The following DMD variants were observed in gnomAD, a reference collection of about 807,000 sequenced individuals.
The protein encoded by DMD is mutant dystrophin.
A neutral mutation model predicts 330.1 loss-of-function variants in DMD; 63 were observed. The ratio of observed to expected loss-of-function variants is 0.19; its 90% CI spans 0.16 to 0.24. DMD has a LOEUF of 0.24. DMD is among the 10% of genes least tolerant of loss of function. The pLI is 1.00. For synonymous variants in DMD, 1,223 were observed against 959.8 expected, an observed-to-expected ratio of 1.27 and a Z score of -5.07; for missense variants, 3,344 against 2,684.1, an observed-to-expected ratio of 1.25 and a Z score of -5.43.
At chrX:32,056,390 T>TAAAAAAAAAAAAAAA in intron 44 of DMD, among the ~76,000 whole-genome samples, 1 of 47,562 alleles carries the variant, frequency 2.1e-5, no homozygotes, top group Non-Finnish European at 4.2e-5. Context: ...GTAGATTAAG[T>TAAAAAAAAAAAAAAA]AAAAAAAAAA....
At chrX:32,758,895 T>C (rs1207485358) in intron 7 of DMD, among the ~76,000 whole-genome samples, 1 of 111,713 alleles carries the variant, frequency 9.0e-6, no homozygotes, top group Non-Finnish European at 1.9e-5. Flanking sequence ...AAAACAGACA[T>C]GTAAAATGAA....
At chrX:31,572,706 G>C (rs2075887281) in intron 55 of DMD, among the ~76,000 whole-genome samples, 1 of 111,963 alleles carries the variant, frequency 8.9e-6, no homozygotes, top group African/African-American at 3.2e-5. Flanking sequence ...ACCAGTGGCA[G>C]TTGGCTTGAT....
chrX:31,674,414 T>C (rs1447028745), intron 53 of DMD, among the ~76,000 whole-genome samples: 1 of 112,439 alleles, frequency 8.9e-6, no homozygotes, highest in African/African-American at 3.2e-5. Flanking sequence ...AACACAGAGA[T>C]TTTGCAGCCT....
intron 68 of DMD, among the ~76,000 whole-genome samples, chrX:31,182,314 T>C (rs762810013): frequency 8.9e-6 from 1 of 112,309 alleles, no homozygotes; most frequent in Non-Finnish European, 1.9e-5. Context: ...ACTATTATGG[T>C]TCCTCCCAGA....
At chrX:32,588,681 T>C (rs2054553644) in intron 13 of DMD, among the ~76,000 whole-genome samples, 1 of 111,715 alleles carries the variant, frequency 9.0e-6, no homozygotes, top group Admixed American at 9.5e-5. Context: ...GCGGTAAGAC[T>C]GAAGGCAAGG....
chrX:31,165,377 C>G (rs759654522), intron 74 of DMD, among the ~76,000 whole-genome samples: 1 of 112,358 alleles, frequency 8.9e-6, no homozygotes, highest in South Asian at 3.7e-4. Context: ...ATAACATCTA[C>G]TAACAACTTT....
chrX:32,222,773 G>C (rs1352615167), intron 43 of DMD, among the ~76,000 whole-genome samples: 1 of 111,756 alleles, frequency 8.9e-6, no homozygotes, highest in African/African-American at 3.2e-5. Context: ...ATTCCTTCTT[G>C]AGAAATTACC....
chrX:32,244,296 TTTTTTCTGGCTGCA>T (rs2097221977), intron 43 of DMD, among the ~76,000 whole-genome samples: 1 of 103,239 alleles, frequency 9.7e-6, no homozygotes, highest in Admixed American at 1.1e-4. Context: ...GAACTCATCA[TTTTTTCTGGCTGCA>T]TAGTATTCCA....
At chrX:32,097,878 G>A (rs1000164976) in intron 44 of DMD, among the ~76,000 whole-genome samples, 2 of 111,274 alleles carry the variant, frequency 1.8e-5, no homozygotes, top group African/African-American at 6.5e-5. Context: ...TTTTTAACAC[G>A]GACTGTTACA....
chrX:32,526,685 A>C (rs1018444161), intron 17 of DMD, among the ~76,000 whole-genome samples: 8 of 112,051 alleles, frequency 7.1e-5, no homozygotes, highest in African/African-American at 2.6e-4. Flanking sequence ...AAATGTTTAA[A>C]ATAAATTCAA....
intron 41 of DMD, among the ~76,000 whole-genome samples, chrX:32,316,498 C>A (rs921597772): frequency 3.6e-5 from 4 of 110,986 alleles, no homozygotes; most frequent in Non-Finnish European, 7.6e-5. Flanking sequence ...TATCTTGATA[C>A]GTAGTGTCCA....
At chrX:32,908,411 A>G (rs2085419467) in intron 2 of DMD, among the ~76,000 whole-genome samples, 1 of 112,243 alleles carries the variant, frequency 8.9e-6, no homozygotes, top group Admixed American at 9.5e-5. Context: ...TTTTTAAAGT[A>G]CATTTTGCAC....
At chrX:31,203,075 A>C (rs1204494705) in intron 67 of DMD, among the ~76,000 whole-genome samples, 3 of 110,031 alleles carry the variant, frequency 2.7e-5, no homozygotes, top group African/African-American at 9.9e-5. Flanking sequence ...TGAGGTCAGG[A>C]GTTTGAGACC....
intron 2 of DMD, among the ~76,000 whole-genome samples, chrX:32,919,229 G>A (rs1248028603): frequency 8.9e-6 from 1 of 111,902 alleles, no homozygotes; most frequent in East Asian, 2.8e-4. Context: ...ATCAAAATCA[G>A]GAAGTCCAGA....
intron 55 of DMD, among the ~76,000 whole-genome samples, chrX:31,622,175 A>C (rs2078568340): frequency 9.0e-6 from 1 of 111,527 alleles, no homozygotes; most frequent in Admixed American, 9.5e-5. Flanking sequence ...TGCTATTATA[A>C]TTTTGTCTTA....
At chrX:32,861,539 T>A (rs1359202594) in intron 2 of DMD, among the ~76,000 whole-genome samples, 2 of 111,659 alleles carry the variant, frequency 1.8e-5, no homozygotes, top group Non-Finnish European at 3.8e-5. Context: ...AGGGAAGGTA[T>A]AATGAAACCA....
chrX:32,642,634 T>C (rs2059543739), intron 11 of DMD, among the ~76,000 whole-genome samples: 2 of 112,291 alleles, frequency 1.8e-5, no homozygotes, highest in Non-Finnish European at 3.8e-5. Context: ...TTTTTTTATG[T>C]TTCAGATAAG....
chrX:31,372,016 G>A (rs1479917595), intron 60 of DMD, among the ~76,000 whole-genome samples: 2 of 111,865 alleles, frequency 1.8e-5, no homozygotes, highest in South Asian at 3.8e-4. Flanking sequence ...GATAACGTAT[G>A]TCAAGTCCTT....
intron 55 of DMD, among the ~76,000 whole-genome samples, chrX:31,518,176 G>A (rs145558143): frequency 0.019 from 2,106 of 111,770 alleles, 61 homozygotes; most frequent in African/African-American, 0.065. Context: ...AAAAGAAGCC[G>A]TGGACCCAGT....
Sources: allele counts gnomAD v4.1 joint callset (sites outside exome capture counted in the v4.1 genomes callset), GRCh38; gene constraint gnomAD v4.1.1; transcripts MANE v1.5; gene names NCBI Gene and HGNC (gene_info 2026-07-23, HGNC 2026-07-21).